AGAP1: variants seen among roughly 807,000 people sequenced by gnomAD.
AGAP1 encodes the protein ArfGAP with GTPase domain, ankyrin repeat and PH domain 1, also known as arf-GAP with GTPase, ANK repeat and PH domain-containing protein 1.
Under a neutral mutation model 105.3 loss-of-function variants are expected in AGAP1, and 29 were observed. That is an observed-to-expected ratio of 0.28 (90% CI 0.21 to 0.38). The LOEUF (loss-of-function observed/expected upper bound fraction) is 0.38. Among genes scored for constraint, AGAP1 ranks in the 10% least tolerant of loss-of-function variants. The pLI is 1.00. For synonymous variants in AGAP1, 509 were observed against 485.9 expected (o/e 1.05, Z -0.63); for missense variants, 998 against 1,165.1 (o/e 0.86, Z 2.09).
intron 1 of AGAP1, among the ~76,000 whole-genome samples, chr2:235,533,127 C>T (rs867992532): frequency 4.6e-5 from 7 of 152,214 alleles, no homozygotes; most frequent in East Asian, 3.9e-4. Flanking sequence ...AGGAGCATCG[C>T]GGATGTGGAG....
chr2:235,575,006 CCAGGTA>C (rs1320846783), intron 1 of AGAP1, among the ~76,000 whole-genome samples: 1 of 152,022 alleles, frequency 6.6e-6, no homozygotes, highest in Non-Finnish European at 1.5e-5. Context: ...ACCTATGGTC[CCAGGTA>C]CATGGGAGGC....
chr2:235,833,274 C>T (rs1348837587), intron 9 of AGAP1, among the ~76,000 whole-genome samples: 1 of 152,176 alleles, frequency 6.6e-6, no homozygotes, highest in African/African-American at 2.4e-5. Flanking sequence ...GGGAGCGGGA[C>T]CACACGTGGC....
chr2:235,933,879 G>T (rs1227552236), intron 12 of AGAP1, among the ~76,000 whole-genome samples: 3 of 152,158 alleles, frequency 2.0e-5, no homozygotes, highest in African/African-American at 7.2e-5. Flanking sequence ...TGAAAAGGGA[G>T]ACAATAATCG....
In AGAP1 at chr2:235,552,005, G is replaced by A. The variant is rs1943827860; in HGVS notation, c.163+57156G>A. On this transcript the variant is annotated intron_variant, in intron 1 of 17. Transcript: ENST00000304032. The surrounding 1 kb of genome is among the most constrained non-coding windows in gnomAD (Gnocchi z 5.9). The stretch of plus-strand genomic sequence containing the variant: ...TCTTGAAAGAACTCTAGTTGGAGTT[G>A]TAGAGCTAATGTTTTTTTCTCTGGT... Among the ~76,000 whole-genome samples, 1 of 152,244 alleles carries A rather than the reference G, an allele frequency of 6.6e-6. No individual in the cohort carries two copies. Among genetic ancestry groups the A allele is most frequent in the Non-Finnish European group, 1.5e-5 (1 of 68,040 alleles).
chr2:235,775,085 G>C (rs1559470761), intron 6 of AGAP1, among the ~76,000 whole-genome samples: 1 of 152,190 alleles, frequency 6.6e-6, no homozygotes, highest in South Asian at 2.1e-4. Flanking sequence ...GTGAACAGAA[G>C]GGGCATCGGA....
chr2:235,533,292 A>G (rs76174570), intron 1 of AGAP1, among the ~76,000 whole-genome samples: 2 of 152,264 alleles, frequency 1.3e-5, no homozygotes, highest in African/African-American at 4.8e-5. Flanking sequence ...TAAAAAATTA[A>G]TGAAGATACA....
At chr2:235,884,166 T>G (rs745722328) in intron 10 of AGAP1, among the ~76,000 whole-genome samples, 37 of 152,162 alleles carry the variant, frequency 2.4e-4, no homozygotes, top group Non-Finnish European at 1.9e-4. Context: ...AATGTGTAGA[T>G]TAGAATATAT....
chr2:236,093,803 A>G (rs1317698277), intron 16 of AGAP1, among the ~76,000 whole-genome samples: 1 of 147,068 alleles, frequency 6.8e-6, no homozygotes, highest in African/African-American at 2.7e-5. Context: ...CCCCAAAATC[A>G]CAATCCCAAA....
rs1575266596 is a variant in AGAP1, at chr2:235,734,523, C to G, written c.311-6440C>G. On this transcript the variant is annotated intron_variant, in intron 3 of 17. Transcript: ENST00000304032. This position sits in a 1 kb window ranked among gnomAD's most constrained non-coding sequence, Gnocchi z 5.3. Reference sequence around the variant, plus strand: ...GAGTCATTTTCATCCTTAGCTCAGGCATGAAAAAAAAAAAAAGAATAGTAA... The same window carrying G: ...GAGTCATTTTCATCCTTAGCTCAGGGATGAAAAAAAAAAAAAGAATAGTAA... 1.4e-5 allele frequency among the ~76,000 whole-genome samples: 2 copies of G among 139,934 alleles called. No individual in the cohort carries two copies. The highest frequency in any genetic ancestry group is 4.5e-4 in the South Asian group (2 of 4,492). 91.8% of individuals were successfully genotyped at this position (139,934 alleles called of 152,430 possible).
rs560865766 is a variant in AGAP1, at chr2:235,615,029, G to A, written c.164-94150G>A. The stretch of plus-strand genomic sequence containing the variant: ...GTTCAAGGTGAGTGGTTTTCCTGGC[G>A]GTGTGGTTTTTTAAAATTTCTAATA... On this transcript the variant is annotated intron_variant, in intron 1 of 17. Transcript: ENST00000304032. The surrounding 1 kb of genome is among the most constrained non-coding windows in gnomAD (Gnocchi z 5.0). Among the ~76,000 whole-genome samples the A allele has an allele frequency of 4.6e-5, 7 of 152,278 alleles. No individual in the cohort carries two copies. Among genetic ancestry groups the A allele is most frequent in the South Asian group, 4.1e-4 (2 of 4,822 alleles).
At chr2:235,896,033 C>T (rs1041436458) in intron 10 of AGAP1, among the ~76,000 whole-genome samples, 2 of 152,114 alleles carry the variant, frequency 1.3e-5, no homozygotes, top group East Asian at 3.9e-4. Flanking sequence ...TATACGTTCA[C>T]GTTGTTGGGC....
rs577683383 is a variant in AGAP1 at position 235,732,138 on chromosome 2, T to A, written c.311-8825T>A. On this transcript the variant is annotated intron_variant, in intron 3 of 17. Coordinates refer to ENST00000304032, the MANE Select transcript of AGAP1 (RefSeq NM_001037131.3). The surrounding 1 kb of genome is among the most constrained non-coding windows in gnomAD (Gnocchi z 4.8). ...TCTTTCTGCGTCTCAGGAACATTCC[T>A]TTGTCTTTTATCTTCGAATAGTCTT... Among the ~76,000 whole-genome samples, 1 of 152,368 alleles carries A rather than the reference T, an allele frequency of 6.6e-6. No individual in the cohort carries two copies. Among genetic ancestry groups the A allele is most frequent in the South Asian group, 2.1e-4 (1 of 4,824 alleles).
intron 2 of AGAP1, among the ~76,000 whole-genome samples, chr2:235,709,493 T>C (rs1950721187): frequency 6.6e-6 from 1 of 151,876 alleles, no homozygotes; most frequent in African/African-American, 2.4e-5. Flanking sequence ...GCAGAGGCCA[T>C]CATCATCCTC....
chr2:235,624,153 A>T (rs369224166), intron 1 of AGAP1, among the ~76,000 whole-genome samples: 94 of 152,378 alleles, frequency 6.2e-4, no homozygotes, highest in African/African-American at 2.0e-3. Flanking sequence ...TTGAATGTAC[A>T]GGATGGTTCA....
chr2:235,823,203 T>C (rs1041746349), intron 9 of AGAP1, among the ~76,000 whole-genome samples: 3 of 152,218 alleles, frequency 2.0e-5, no homozygotes, highest in African/African-American at 7.2e-5. Context: ...TATTATGATA[T>C]GTAACATATC....
intron 1 of AGAP1, among the ~76,000 whole-genome samples, chr2:235,540,764 C>T (rs1943409884): frequency 6.6e-6 from 1 of 152,128 alleles, no homozygotes; most frequent in Admixed American, 6.5e-5. Context: ...GACGTGCACC[C>T]CCTTCACTTT....
At chr2:235,907,009 CTT>C (rs1048981560) in intron 10 of AGAP1, among the ~76,000 whole-genome samples, 2 of 151,684 alleles carry the variant, frequency 1.3e-5, no homozygotes, top group African/African-American at 4.8e-5. Flanking sequence ...GAGTGAGACT[CTT>C]GTCTCAAAAA....
chr2:235,548,812 A>C (rs1283982659), intron 1 of AGAP1, among the ~76,000 whole-genome samples: 1 of 152,146 alleles, frequency 6.6e-6, no homozygotes, highest in African/African-American at 2.4e-5. Context: ...AAAAGTACCC[A>C]TGCGTTTGAC....
chr2:236,124,930 GA>G lies in AGAP1; in HGVS notation c.*811del, dbSNP rs2059979740. 2 of 162,068 alleles carry G rather than the reference GA, an allele frequency of 1.2e-5. No homozygotes were observed. Among genetic ancestry groups the G allele is most frequent in the South Asian group, 2.1e-4 (1 of 4,832 alleles). The allele number at this position is 162,068 out of a possible 1,614,324, so 10.0% of individuals were successfully genotyped here. A position where few individuals can be genotyped will look rare whatever the true frequency, so the allele number is the denominator to read the frequency against. The stretch of plus-strand genomic sequence containing the variant: ...GTTTAATTTTTCAGTCCAAAGAGAG[GA>G]AATCAGTCGCTGAGTATTATTTGAC... On this transcript the variant is annotated 3_prime_UTR_variant, in exon 18 of 18. Transcript: ENST00000304032. This position sits in a 1 kb window ranked among gnomAD's most constrained non-coding sequence, Gnocchi z 5.1.
Sources: allele counts gnomAD v4.1 joint callset (sites outside exome capture counted in the v4.1 genomes callset), GRCh38; gene constraint gnomAD v4.1.1; non-coding constraint Gnocchi (gnomAD v3.1); transcripts MANE v1.5; gene names NCBI Gene and HGNC (gene_info 2026-07-23, HGNC 2026-07-21).